The following CABIN1 variants were observed in gnomAD, a reference collection of about 807,000 sequenced individuals.
CABIN1 encodes the protein calcineurin binding protein 1.
In CABIN1, 133 loss-of-function variants were observed where a neutral mutation model predicts 227.7. The observed-to-expected ratio is 0.58, with a 90% CI of 0.51 to 0.67. The LOEUF (loss-of-function observed/expected upper bound fraction) is 0.67, where lower values mean the gene tolerates loss of function less well. Among genes scored for constraint, CABIN1 ranks in the 30% least tolerant of loss-of-function variants. The pLI is 0.00. For missense variants in CABIN1, 2,408 were observed against 2,852.5 expected (o/e 0.84, Z 3.55); for synonymous variants, 1,086 against 1,155.1 (o/e 0.94, Z 1.21).
chr22:24,101,885 G>C (rs944881799), intron 26 of CABIN1: 1 of 151,120 alleles, frequency 6.6e-6, no homozygotes, highest in Non-Finnish European at 1.5e-5. Context: ...GTGTGTGTGT[G>C]CCCGTGTGTA....
chr22:24,054,505 C>CA (rs1179299154), intron 8 of CABIN1, among the ~76,000 whole-genome samples: 1 of 152,180 alleles, frequency 6.6e-6, no homozygotes, highest in African/African-American at 2.4e-5. Context: ...GGGAGTTCCA[C>CA]AAGTGTTTTA....
rs73401697 is a variant in CABIN1 at position 24,113,525 on chromosome 22, A to G, written c.4118-41A>G. On this transcript the variant is annotated intron_variant, in intron 26 of 36. Transcript: ENST00000263119. ...AGGCCCCCTGTGTTGGAGGTGGTGTAGGTTAATGCTCTCGCCCTCTCTTCC... is the reference window on the plus strand; with the variant it reads ...AGGCCCCCTGTGTTGGAGGTGGTGTGGGTTAATGCTCTCGCCCTCTCTTCC... 4.0e-3 allele frequency: 6,264 copies of G among 1,585,296 alleles called. 222 individuals carry two copies. The African/African-American group carries it at 0.073, about 19-fold the overall frequency.
rs1410115031 is a variant in CABIN1 at position 24,076,390 on chromosome 22, G to T, written c.2748+106G>T. 3 of 877,600 alleles carry T rather than the reference G, an allele frequency of 3.4e-6. No individual in the cohort carries two copies. The Admixed American group carries it at 5.7e-5, about 17-fold the overall frequency. The allele number at this position is 877,600 out of a possible 1,614,324, so 54.4% of individuals were successfully genotyped here. Reference sequence around the variant, plus strand: ...CATGTTGGCACGCTGGGCTTGCTTGGCCTTCCCTCAGTGGGCCCACTGTGT... The same window carrying T: ...CATGTTGGCACGCTGGGCTTGCTTGTCCTTCCCTCAGTGGGCCCACTGTGT... On this transcript the variant is annotated intron_variant, in intron 19 of 36. Coordinates refer to ENST00000263119, the MANE Select transcript of CABIN1 (RefSeq NM_012295.4).
At chr22:24,085,271 A>G (rs1479424645) in intron 22 of CABIN1, 120 bp downstream of exon 22, 4 of 1,074,494 alleles carry the variant, frequency 3.7e-6, no homozygotes, top group Non-Finnish European at 5.6e-6. Context: ...AGACCAGGGA[A>G]AACGGAATGA....
chr22:24,057,560 T>G (rs866794748), intron 10 of CABIN1, among the ~76,000 whole-genome samples: 1 of 152,270 alleles, frequency 6.6e-6, no homozygotes, highest in African/African-American at 2.4e-5. Flanking sequence ...GTGTTCGATA[T>G]GCCATCTTTA....
intron 13 of CABIN1, 93 bp downstream of exon 13, chr22:24,062,118 A>C: frequency 3.8e-6 from 4 of 1,051,272 alleles, no homozygotes; most frequent in Non-Finnish European, 5.8e-6. Flanking sequence ...CATGGAATTT[A>C]GCCTTATATC....
intron 19 of CABIN1, among the ~76,000 whole-genome samples, chr22:24,078,443 C>T (rs2040584377): frequency 6.6e-6 from 1 of 152,192 alleles, no homozygotes; most frequent in African/African-American, 2.4e-5. Context: ...GCCCCAGGCT[C>T]ATGGTCTGCA....
chr22:24,047,977 T>C (rs1021494673), intron 6 of CABIN1, among the ~76,000 whole-genome samples: 1 of 152,270 alleles, frequency 6.6e-6, no homozygotes, highest in African/African-American at 2.4e-5. Context: ...TTTTGTAATT[T>C]ATATCATAGT....
chr22:24,124,173 G>A (rs1023992255), intron 28 of CABIN1, among the ~76,000 whole-genome samples: 1 of 152,246 alleles, frequency 6.6e-6, no homozygotes, highest in Non-Finnish European at 1.5e-5. Flanking sequence ...TTCTTTCCTC[G>A]ATGAGAATGA....
chr22:24,064,522 T>G (rs937366467), intron 15 of CABIN1, among the ~76,000 whole-genome samples: 3 of 149,856 alleles, frequency 2.0e-5, no homozygotes, highest in African/African-American at 4.9e-5. Context: ...GTTTTTTTTT[T>G]TTTTTTTTTT....
At chr22:24,167,828 T>C (rs1210764030) in intron 32 of CABIN1, among the ~76,000 whole-genome samples, 2 of 152,194 alleles carry the variant, frequency 1.3e-5, no homozygotes, top group African/African-American at 2.4e-5. Flanking sequence ...CAGTTTGCAA[T>C]GCATCCTACC....
chr22:24,137,287 C>T (rs1027909879), intron 29 of CABIN1, among the ~76,000 whole-genome samples: 2 of 152,182 alleles, frequency 1.3e-5, no homozygotes, highest in Non-Finnish European at 2.9e-5. Flanking sequence ...GAAGCCGGCC[C>T]CTCAGATGCC....
intron 23 of CABIN1, among the ~76,000 whole-genome samples, chr22:24,089,766 A>T (rs1334671991): frequency 2.0e-5 from 3 of 152,226 alleles, no homozygotes; most frequent in Non-Finnish European, 4.4e-5. Context: ...TTTTGCCCAG[A>T]AACTCCTCAG....
chr22:24,026,480 A>C (rs545621787), intron 1 of CABIN1, among the ~76,000 whole-genome samples: 11 of 152,126 alleles, frequency 7.2e-5, no homozygotes, highest in Non-Finnish European at 1.3e-4. Flanking sequence ...CCTAGGTTTC[A>C]AGGATTTTCT....
chr22:24,078,967 A>C (rs754937361), intron 19 of CABIN1, among the ~76,000 whole-genome samples: 5 of 152,110 alleles, frequency 3.3e-5, no homozygotes, highest in Non-Finnish European at 7.4e-5. Context: ...TATAGTATGT[A>C]ACCTCTTGCA....
At chr22:24,168,926 C>T (rs745626101) in intron 33 of CABIN1, among the ~76,000 whole-genome samples, 1 of 152,168 alleles carries the variant, frequency 6.6e-6, no homozygotes, top group Non-Finnish European at 1.5e-5. Flanking sequence ...GCCCCACCGC[C>T]CCAGGGGAGG....
rs2044127250 is a variant in CABIN1 at position 24,132,333 on chromosome 22, G to A, written c.4633-1969G>A. Among the ~76,000 whole-genome samples the A allele has an allele frequency of 9.8e-5, 15 of 152,286 alleles. No individual in the cohort carries two copies. In the South Asian group the frequency reaches 2.9e-3, roughly 29 times the overall value. On this transcript the variant is annotated intron_variant, in intron 28 of 36. Transcript: ENST00000263119. ...CTTTGGTTTTATTCCTTTTAATGAA[G>A]CATACCTGAAGCCCCACCCCTTTCT... is the stretch of plus-strand genomic sequence containing the variant.
intron 26 of CABIN1, among the ~76,000 whole-genome samples, chr22:24,098,451 C>T (rs1484401633): frequency 3.9e-5 from 6 of 152,152 alleles, no homozygotes; most frequent in Non-Finnish European, 8.8e-5. Context: ...TGGCATCTCA[C>T]ATCTTTGAGC....
At chr22:24,055,681 G>GA (rs796549005) in intron 9 of CABIN1, among the ~76,000 whole-genome samples, 43 of 152,192 alleles carry the variant, frequency 2.8e-4, no homozygotes, top group African/African-American at 1.0e-3. Context: ...CTGTGTCACT[G>GA]AAAAAAAGAA....
Sources: gnomAD v4.1 joint callset for allele counts (sites outside exome capture counted in the v4.1 genomes callset) on GRCh38, gnomAD v4.1.1 for gene constraint, MANE v1.5 for transcripts, NCBI Gene and HGNC (gene_info 2026-07-23, HGNC 2026-07-21) for gene names.